The following CUEDC1 variants were observed in gnomAD, a reference collection of about 807,000 sequenced individuals.
CUEDC1 encodes the protein CUE domain-containing protein 1.
Under a neutral mutation model 43.7 loss-of-function variants are expected in CUEDC1, and 30 were observed. The observed-to-expected ratio is 0.69, with a 90% CI of 0.51 to 0.93. The LOEUF is 0.93. Among genes scored for constraint, CUEDC1 ranks in the 40% least tolerant of loss-of-function variants. CUEDC1 has a pLI of 0.00. For missense variants in CUEDC1, 486 were observed against 549.0 expected (o/e 0.89, Z 1.15); for synonymous variants, 223 against 223.6 (o/e 1.00, Z 0.02).
At chr17:57,923,556 GGCCT>G (rs1297714154) in intron 1 of CUEDC1, among the ~76,000 whole-genome samples, 2 of 152,212 alleles carry the variant, frequency 1.3e-5, no homozygotes, top group African/African-American at 4.8e-5. Context: ...AGGACAGCAT[GGCCT>G]GCCTTGGCTG....
At chr17:57,902,280 G>A (rs1163402267) in intron 1 of CUEDC1, among the ~76,000 whole-genome samples, 1 of 152,124 alleles carries the variant, frequency 6.6e-6, no homozygotes, top group Admixed American at 6.6e-5. Flanking sequence ...AGTGACCTGA[G>A]ATCACACCAC....
intron 7 of CUEDC1, chr17:57,868,593 T>G (rs2073993060): frequency 2.8e-6 from 1 of 362,144 alleles, no homozygotes; most frequent in Middle Eastern, 8.6e-4. Context: ...TTCCCGCCCC[T>G]CCCCTAGCCA....
chr17:57,921,197 C>T (rs1598010629), intron 1 of CUEDC1, among the ~76,000 whole-genome samples: 1 of 152,176 alleles, frequency 6.6e-6, no homozygotes, highest in Non-Finnish European at 1.5e-5. Context: ...ATTTGCTGTG[C>T]GATCTTGAGG....
chr17:57,890,995 C>A (rs1306699340), intron 1 of CUEDC1, among the ~76,000 whole-genome samples: 4 of 152,190 alleles, frequency 2.6e-5, no homozygotes, highest in Non-Finnish European at 5.9e-5. Context: ...TAATAAGCAC[C>A]AGTGACACAG....
At chr17:57,877,662 G>A (rs899315030) in intron 3 of CUEDC1, among the ~76,000 whole-genome samples, 7 of 151,390 alleles carry the variant, frequency 4.6e-5, no homozygotes, top group Non-Finnish European at 8.8e-5. Context: ...CGAGGTGGGC[G>A]AATCACCTGA....
Position 57,873,057 on chromosome 17 carries a change from C to A in CUEDC1, c.592-202G>T, listed in dbSNP as rs184680873. The stretch of plus-strand genomic sequence containing the variant: ...ATTGCTGCAGGGGACACAGCAGTAG[C>A]CTAAAAACTATTTTTCCCCCACGCC... On this transcript the variant is annotated intron_variant, in intron 4 of 10. Transcript: ENST00000577830. 2.0e-5 allele frequency among the ~76,000 whole-genome samples: 3 copies of A among 152,338 alleles called. No homozygotes were observed. The East Asian group carries it at 5.8e-4, about 29-fold the overall frequency.
intron 1 of CUEDC1, among the ~76,000 whole-genome samples, chr17:57,946,119 C>A (rs1045612658): frequency 2.0e-5 from 3 of 152,122 alleles, no homozygotes; most frequent in African/African-American, 7.2e-5. Flanking sequence ...CAGCAACTAG[C>A]AGAGGCTGGG....
chr17:57,947,642 C>A (rs1354432844), intron 1 of CUEDC1, among the ~76,000 whole-genome samples: 1 of 151,832 alleles, frequency 6.6e-6, no homozygotes, highest in Non-Finnish European at 1.5e-5. Context: ...TTACTAAAAA[C>A]ACAAAAAAAT....
chr17:57,929,920 G>GGGAA (rs2074787651), intron 1 of CUEDC1, among the ~76,000 whole-genome samples: 2 of 152,146 alleles, frequency 1.3e-5, no homozygotes, highest in African/African-American at 4.8e-5. Flanking sequence ...TCCTGCCTCA[G>GGGAA]CCTCCCGAGT....
At chr17:57,923,624 C>G (rs907186253) in intron 1 of CUEDC1, among the ~76,000 whole-genome samples, 2 of 152,218 alleles carry the variant, frequency 1.3e-5, no homozygotes, top group African/African-American at 4.8e-5. Context: ...AACCAGACTT[C>G]TCTGATCAGC....
chr17:57,879,426 T>C (rs2074172632), intron 3 of CUEDC1, among the ~76,000 whole-genome samples, 185 bp downstream of exon 3: 1 of 152,260 alleles, frequency 6.6e-6, no homozygotes. Context: ...AAATGTTTGC[T>C]CTTGCAATCC....
At chr17:57,868,392 T>C in intron 7 of CUEDC1, 149 bp from the exon 8 acceptor site, 1 of 682,066 alleles carries the variant, frequency 1.5e-6, no homozygotes, top group East Asian at 2.7e-5. Flanking sequence ...GAGGGAGAGA[T>C]GACAGGAATC....
rs879642025 is a variant in CUEDC1, at chr17:57,954,634, G to T, written c.-316+591C>A. ...CCCAACTTTCCCTGGCCGAGCTGAC[G>T]GGAGATACAGCTCCCAGGGGACCGG... On this transcript the variant is annotated intron_variant, in intron 1 of 10. Transcript: ENST00000577830. This position sits in a 1 kb window ranked among gnomAD's most constrained non-coding sequence, Gnocchi z 4.3. Among the ~76,000 whole-genome samples the T allele has an allele frequency of 6.6e-6, 1 of 151,174 alleles. No individual in the cohort carries two copies. Among genetic ancestry groups the T allele is most frequent in the Non-Finnish European group, 1.5e-5 (1 of 68,014 alleles).
rs147240326 is a variant in CUEDC1, at chr17:57,948,642, G to C, written c.-316+6583C>G. Among the ~76,000 whole-genome samples, 10 of 152,300 alleles carry C rather than the reference G, an allele frequency of 6.6e-5. No individual in the cohort carries two copies. The East Asian group carries it at 1.9e-3, about 29-fold the overall frequency. On this transcript the variant is annotated intron_variant, in intron 1 of 10. Coordinates refer to ENST00000577830, the MANE Select transcript of CUEDC1 (RefSeq NM_001271875.2). Reference sequence around the variant, plus strand: ...CCTCTACTTCATCTTCCTGTCTCCAGATGAAACCTCTTAAACCACAAAGAC... The same window carrying C: ...CCTCTACTTCATCTTCCTGTCTCCACATGAAACCTCTTAAACCACAAAGAC...
intron 1 of CUEDC1, among the ~76,000 whole-genome samples, chr17:57,893,413 C>A (rs1284137176): frequency 6.7e-6 from 1 of 149,058 alleles, no homozygotes; most frequent in African/African-American, 2.4e-5. Flanking sequence ...TCCTCCTGCC[C>A]CTGCAAAGGC....
chr17:57,947,252 G>T (rs2585833), intron 1 of CUEDC1, among the ~76,000 whole-genome samples: 2 of 151,800 alleles, frequency 1.3e-5, no homozygotes, highest in Non-Finnish European at 2.9e-5. Context: ...TCTTGCCGTC[G>T]TGTTTGCTGC....
intron 1 of CUEDC1, among the ~76,000 whole-genome samples, chr17:57,898,007 G>C (rs1443362970): frequency 1.3e-5 from 2 of 152,098 alleles, no homozygotes; most frequent in Non-Finnish European, 2.9e-5. Context: ...TGCGAGACTA[G>C]GTCTAAAAAA....
chr17:57,886,602 C>A (rs1336909841), intron 1 of CUEDC1, among the ~76,000 whole-genome samples: 1 of 152,204 alleles, frequency 6.6e-6, no homozygotes, highest in Non-Finnish European at 1.5e-5. Context: ...TCAGTCCATT[C>A]CCCTGAGAAG....
In CUEDC1 at chr17:57,872,840, G is replaced by A. The variant is rs780917028; in HGVS notation, c.607C>T (p.Pro203Ser). The A allele has an allele frequency of 1.2e-6, 2 of 1,613,132 alleles. No individual in the cohort carries two copies. The highest frequency in any genetic ancestry group is 1.7e-6 in the Non-Finnish European group (2 of 1,179,684). The change falls in exon 5 of 11, where the codon CCC becomes TCC. Residue 203 changes from proline to serine, a missense_variant. Transcript: ENST00000577830. ...LDSIQGNAGGPKPGSGEGCPP... is the reference protein window; with the variant it reads ...LDSIQGNAGGSKPGSGEGCPP... ...CATCCCTCTCCACTCCCAGGCTTGG[G>A]GCCCCCAGCGTTACCCTGAGGAGGG...
Sources: allele counts gnomAD v4.1 joint callset (sites outside exome capture counted in the v4.1 genomes callset), GRCh38; gene constraint gnomAD v4.1.1; non-coding constraint Gnocchi (gnomAD v3.1); transcripts MANE v1.5; gene names NCBI Gene and HGNC (gene_info 2026-07-23, HGNC 2026-07-21).